The following MYRF variants were observed in gnomAD, a reference collection of about 807,000 sequenced individuals.
The protein encoded by MYRF is myelin regulatory factor.
Under a neutral mutation model 126.3 loss-of-function variants are expected in MYRF, and 16 were observed. The observed-to-expected ratio is 0.13, with a 90% CI of 0.09 to 0.19. The LOEUF (loss-of-function observed/expected upper bound fraction) is 0.19. Ranked by LOEUF, MYRF falls within the 10% of genes least tolerant of loss-of-function variation. MYRF has a pLI of 1.00. For synonymous variants in MYRF, 608 were observed against 635.3 expected (o/e 0.96, Z 0.65); for missense variants, 1,104 against 1,547.0 (o/e 0.71, Z 4.80).
At position 61,783,729 on chromosome 11, in the gene MYRF, G is replaced by C; in HGVS notation, c.3120-122G>C. 1.5e-6 allele frequency: 2 copies of C among 1,356,996 alleles called. No homozygotes were observed. Among genetic ancestry groups the C allele is most frequent in the South Asian group, 2.5e-5 (2 of 78,968 alleles). The allele number at this position is 1,356,996 out of a possible 1,614,324, so 84.1% of individuals were successfully genotyped here. ...ATAAGGAAGGGTAGCCCCTTTCCAG[G>C]CTACCCTTGGACACTGTCTCTTCTG... On this transcript the variant is annotated intron_variant, in intron 23 of 26. Coordinates refer to ENST00000278836, the MANE Select transcript of MYRF (RefSeq NM_001127392.3). The surrounding 1 kb of genome is among the most constrained non-coding windows in gnomAD (Gnocchi z 4.6).
intron 1 of MYRF, among the ~76,000 whole-genome samples, chr11:61,756,017 G>C (rs866633126): frequency 6.6e-6 from 1 of 152,208 alleles, no homozygotes; most frequent in Non-Finnish European, 1.5e-5. Context: ...TCCCCTCCCA[G>C]GGTAAGTAAG....
Position 61,781,755 on chromosome 11 carries a change from CGGGCCCGCCGAG to C in MYRF, c.2954_2965del (p.Arg985_Ala988del). ...CAGTCCCAGCCTTGGTTTCCATGGC[CGGGCCCGCCGAG>C]GGGCCCTCCAGTCCAGCGTGGGCCC... On this transcript the variant is annotated inframe_deletion, in exon 22 of 27. Coordinates refer to ENST00000278836, the MANE Select transcript of MYRF (RefSeq NM_001127392.3). 6.2e-7 allele frequency: 1 copy of C among 1,611,042 alleles called. No homozygotes were observed.
Position 61,771,927 on chromosome 11 carries a change from C to T in MYRF, c.1090C>T (p.Leu364=). 1.2e-6 allele frequency: 2 copies of T among 1,614,118 alleles called. No homozygotes were observed. The highest frequency in any genetic ancestry group is 1.7e-6 in the Non-Finnish European group (2 of 1,179,992). The part of the protein sequence containing the change: ...QPHQQNKWAT[L]YDANYKELPM... Reference sequence around the variant, plus strand: ...TCATCAGCAGAACAAGTGGGCGACCCTGTACGATGCTAACTACAAGGAGCT... The same window carrying T: ...TCATCAGCAGAACAAGTGGGCGACCTTGTACGATGCTAACTACAAGGAGCT... Residue 364 remains leucine (L), a synonymous_variant, in exon 7 of 27, where the codon CTG becomes TTG. Transcript: ENST00000278836.
rs1266328912 is a variant in MYRF, at chr11:61,774,016, G to A, written c.1165G>A (p.Val389Met). Residue 389 changes from valine (V) to methionine (M), a missense_variant, in exon 8 of 27, where the codon GTG (valine) becomes ATG (methionine). This residue lies in a region of MYRF where 87 missense variants were observed against 129.2 expected (regional missense o/e 0.67). Coordinates refer to ENST00000278836, the MANE Select transcript of MYRF (RefSeq NM_001127392.3). ...VDADKGFNFS[V>M]GDDAFVCQKK... ...TGCGGACAAGGGCTTCAACTTTTCG[G>A]TGGGCGACGACGCCTTTGTGTGCCA... The A allele has an allele frequency of 1.2e-6, 2 of 1,613,508 alleles. No individual in the cohort carries two copies. Among genetic ancestry groups the A allele is most frequent in the East Asian group, 4.5e-5 (2 of 44,860 alleles).
intron 1 of MYRF, 80 bp downstream of exon 1, chr11:61,752,870 C>T: frequency 1.5e-6 from 2 of 1,324,584 alleles, no homozygotes; most frequent in Non-Finnish European, 2.0e-6. Context: ...TGGGGCTCCT[C>T]GCTGTGTTTC....
chr11:61,766,105 C>A lies in MYRF; in HGVS notation c.282C>A (p.Gly94=). ...PGRHGPLPPP[G]YGTPLNCNNN... is the part of the protein sequence containing the mutation. ...GCCATGGTCCCCTCCCACCCCCGGG[C>A]TACGGCACCCCGCTGAACTGCAACA... The change falls in exon 3 of 27, where the codon GGC becomes GGA. Residue 94 remains glycine, a synonymous_variant. Coordinates refer to ENST00000278836, the MANE Select transcript of MYRF (RefSeq NM_001127392.3). The A allele has an allele frequency of 6.2e-7, 1 of 1,608,090 alleles. No individual in the cohort carries two copies. Among genetic ancestry groups the A allele is most frequent in the Non-Finnish European group, 8.5e-7 (1 of 1,179,262 alleles).
rs771306539 is a variant in MYRF, at chr11:61,787,502, CT to C, written c.*1360del. 6.5e-6 allele frequency: 1 copy of C among 152,788 alleles called. No homozygotes were observed. Among genetic ancestry groups the C allele is most frequent in the Admixed American group, 6.5e-5 (1 of 15,288 alleles). 9.5% of individuals were successfully genotyped at this position (152,788 alleles called of 1,614,324 possible). Reference sequence around the variant, plus strand: ...CCTCTTTGGGAAGCAGGCCTTGCCCCTGTCCCACCACTCATTCTCAGCTTTG... The same window carrying C: ...CCTCTTTGGGAAGCAGGCCTTGCCCCGTCCCACCACTCATTCTCAGCTTTG... On this transcript the variant is annotated 3_prime_UTR_variant, in exon 27 of 27. Coordinates refer to ENST00000278836, the MANE Select transcript of MYRF (RefSeq NM_001127392.3).
At position 61,766,017 on chromosome 11, in the gene MYRF, C is replaced by T. The variant is rs774601022; in HGVS notation, c.194C>T (p.Ala65Val). Residue 65 changes from alanine (A) to valine (V), a missense_variant, in exon 3 of 27, where the codon GCG becomes GTG. Around this residue, in one of 10 missense-constraint regions of MYRF, gnomAD observed 368 missense variants for 403.9 expected, o/e 0.91. Transcript: ENST00000278836. ...SSASYSHGQP[A>V]MPGSSGVHHL... ...GCCTCCTACTCCCACGGGCAGCCTG[C>T]GATGCCTGGCTCCAGCGGGGTCCAC... The T allele has an allele frequency of 6.3e-6, 10 of 1,585,354 alleles. No individual in the cohort carries two copies. The highest frequency in any genetic ancestry group is 7.7e-6 in the Non-Finnish European group (9 of 1,168,074).
intron 5 of MYRF, 136 bp from the exon 6 acceptor site, chr11:61,771,364 C>T (rs2066214158): frequency 8.2e-7 from 1 of 1,216,632 alleles, no homozygotes; most frequent in Non-Finnish European, 1.1e-6. Context: ...AGCCTGAGGG[C>T]TTCCTGAAGG....
In MYRF at chr11:61,771,755, A is replaced by G. The variant is rs376578048; in HGVS notation, c.991+5A>G. On this transcript the variant is annotated splice_donor_5th_base_variant and intron_variant, in intron 6 of 26. Coordinates refer to ENST00000278836, the MANE Select transcript of MYRF (RefSeq NM_001127392.3). ...CGCCAGGTGCCCCCTCCCCAGGTAC[A>G]TGGCTGGCCAACTCTTCAAGGTGGG... 4.3e-6 allele frequency: 7 copies of G among 1,612,422 alleles called. No homozygotes were observed.
At chr11:61,769,734 T>G (rs936397428) in intron 4 of MYRF, among the ~76,000 whole-genome samples, 2 of 152,092 alleles carry the variant, frequency 1.3e-5, no homozygotes, top group Non-Finnish European at 2.9e-5. Flanking sequence ...CAGTCCGGAT[T>G]GGGGTCAAGA....
intron 3 of MYRF, 31 bp from the exon 4 acceptor site, chr11:61,769,229 A>ACC: frequency 6.9e-7 from 1 of 1,439,608 alleles, no homozygotes; most frequent in Non-Finnish European, 9.6e-7. Flanking sequence ...TCAGCTGCTC[A>ACC]CCCCCCGGCC....
chr11:61,773,550 T>C (rs1211764101), intron 7 of MYRF, among the ~76,000 whole-genome samples: 6 of 152,158 alleles, frequency 3.9e-5, no homozygotes, highest in Non-Finnish European at 1.5e-5. Context: ...CAACTAGCTG[T>C]CAGGCGCTGT....
intron 1 of MYRF, chr11:61,755,281 C>A: frequency 7.8e-7 from 1 of 1,290,152 alleles, no homozygotes; most frequent in Non-Finnish European, 1.1e-6. Flanking sequence ...CTTTGGACCT[C>A]AGGTGGGAGG....
chr11:61,762,791 C>T (rs969236464), intron 1 of MYRF, among the ~76,000 whole-genome samples: 3 of 152,286 alleles, frequency 2.0e-5, no homozygotes, highest in South Asian at 2.1e-4. Context: ...CTCCGAGCCC[C>T]CAACCCTCAA....
Position 61,776,490 on chromosome 11 carries a change from G to A in MYRF, c.1499+58G>A. On this transcript the variant is annotated intron_variant, in intron 10 of 26. Coordinates refer to ENST00000278836, the MANE Select transcript of MYRF (RefSeq NM_001127392.3). This position sits in a 1 kb window ranked among gnomAD's most constrained non-coding sequence, Gnocchi z 4.3. The stretch of plus-strand genomic sequence containing the variant: ...TCCATTTCTGAGGCAGGAAGACACT[G>A]CCCTGGGTGGCACACCAGGCACAGA... 2 of 1,409,986 alleles carry A rather than the reference G, an allele frequency of 1.4e-6. No homozygotes were observed. The highest frequency in any genetic ancestry group is 1.2e-5 in the South Asian group (1 of 81,840). The allele number at this position is 1,409,986 out of a possible 1,614,324, so 87.3% of individuals were successfully genotyped here.
At position 61,779,549 on chromosome 11, in the gene MYRF, G is replaced by GC; in HGVS notation, c.2232dup (p.Lys745GlnfsTer57). ...CGGGCAGCGTCCCCCACAAGAAGAG[G>GC]CCCCCCAAGGTGGCCAGCAAGGTAG... On this transcript the variant is annotated frameshift_variant, in exon 16 of 27. Coordinates refer to ENST00000278836, the MANE Select transcript of MYRF (RefSeq NM_001127392.3). LOFTEE classifies it high-confidence loss of function. The GC allele has an allele frequency of 6.6e-7, 1 of 1,505,294 alleles. No individual in the cohort carries two copies. 93.2% of individuals were successfully genotyped at this position (1,505,294 alleles called of 1,614,324 possible).
At chr11:61,752,903 C>T in intron 1 of MYRF, 113 bp downstream of exon 1, 1 of 1,080,866 alleles carries the variant, frequency 9.3e-7, no homozygotes, top group Admixed American at 3.8e-5. Context: ...CTGGGACCCT[C>T]CTTCAGGCTG....
At position 61,757,488 on chromosome 11, in the gene MYRF, C is replaced by T. The variant is rs1446997589; in HGVS notation, c.46+4698C>T. 2 of 456,428 alleles carry T rather than the reference C, an allele frequency of 4.4e-6. No homozygotes were observed. Among genetic ancestry groups the T allele is most frequent in the Non-Finnish European group, 8.8e-6 (2 of 226,844 alleles). 28.3% of individuals were successfully genotyped at this position (456,428 alleles called of 1,614,324 possible). On this transcript the variant is annotated intron_variant, in intron 1 of 26. Coordinates refer to ENST00000278836, the MANE Select transcript of MYRF (RefSeq NM_001127392.3). The surrounding 1 kb of genome is among the most constrained non-coding windows in gnomAD (Gnocchi z 4.7). Reference sequence around the variant, plus strand: ...TCCATGGCAGGTGTTCTGCGCCCTACCTTGAAGATTACTGGTCCCCAGGGT... The same window carrying T: ...TCCATGGCAGGTGTTCTGCGCCCTATCTTGAAGATTACTGGTCCCCAGGGT...
Sources: allele counts gnomAD v4.1 joint callset (sites outside exome capture counted in the v4.1 genomes callset), GRCh38; gene constraint gnomAD v4.1.1; regional missense constraint gnomAD v4.1.1; non-coding constraint Gnocchi (gnomAD v3.1); transcripts MANE v1.5; gene names NCBI Gene and HGNC (gene_info 2026-07-23, HGNC 2026-07-21).